Variants in MPPE1 observed in about 807,000 individuals in gnomAD.
MPPE1 encodes the protein metallo phosphoesterase.
A neutral mutation model predicts 43.8 loss-of-function variants in MPPE1; 28 were observed. That is an observed-to-expected ratio of 0.64 (90% CI 0.47 to 0.88). MPPE1 has a LOEUF of 0.88. Ranked by LOEUF, MPPE1 falls within the 40% of genes least tolerant of loss-of-function variation. The pLI is 0.00. For missense variants in MPPE1, 428 were observed against 492.2 expected (o/e 0.87, Z 1.23); for synonymous variants, 159 against 188.5 (o/e 0.84, Z 1.28).
intron 4 of MPPE1, among the ~76,000 whole-genome samples, chr18:11,890,161 C>T (rs1355374608): frequency 6.6e-6 from 1 of 151,812 alleles, no homozygotes; most frequent in Non-Finnish European, 1.5e-5. Context: ...CCAGGATGGT[C>T]GCGATCTCCT....
rs1387886085 is a variant in MPPE1 at position 11,887,041 on chromosome 18, ACG to A, written c.570-18_570-17del. On this transcript the variant is annotated splice_polypyrimidine_tract_variant and intron_variant, in intron 6 of 10. Coordinates refer to ENST00000588072, the MANE Select transcript of MPPE1 (RefSeq NM_023075.6). The stretch of plus-strand genomic sequence containing the variant: ...CATCACAAAGCTGAAGCGGAGGGAA[ACG>A]CAGGTGAGGCCGCTGGGGGTATCAG... 1 of 1,597,910 alleles carries A rather than the reference ACG, an allele frequency of 6.3e-7. No individual in the cohort carries two copies. Among genetic ancestry groups the A allele is most frequent in the Middle Eastern group, 1.7e-4 (1 of 5,992 alleles).
Position 11,883,687 on chromosome 18 carries a change from T to C in MPPE1, c.*758A>G, listed in dbSNP as rs2036787711. 6.6e-6 allele frequency: 1 copy of C among 150,674 alleles called. No homozygotes were observed. The highest frequency in any genetic ancestry group is 1.9e-4 in the East Asian group (1 of 5,172). The allele number at this position is 150,674 out of a possible 1,614,324, so 9.3% of individuals were successfully genotyped here. A position where few individuals can be genotyped will look rare whatever the true frequency, so the allele number is the denominator to read the frequency against. On this transcript the variant is annotated 3_prime_UTR_variant, in exon 11 of 11. Coordinates refer to ENST00000588072, the MANE Select transcript of MPPE1 (RefSeq NM_023075.6). The stretch of plus-strand genomic sequence containing the variant: ...CAATATGTTCTGCACATCACATCTG[T>C]ACTTTTTTTTTTTTAAATATATTTT...
chr18:11,902,181 C>G (rs2039278905), intron 2 of MPPE1: 1 of 152,334 alleles, frequency 6.6e-6, no homozygotes, highest in Non-Finnish European at 1.5e-5. Flanking sequence ...CTGTCCCAGA[C>G]AACTCAGGAT....
intron 10 of MPPE1, chr18:11,884,915 C>T (rs2036953355): frequency 7.7e-7 from 1 of 1,291,158 alleles, no homozygotes. Context: ...GGGTTCCCAT[C>T]AAATATAGTG....
At chr18:11,888,612 A>T in intron 6 of MPPE1, 57 bp downstream of exon 6, 3 of 1,110,036 alleles carry the variant, frequency 2.7e-6, no homozygotes, top group Non-Finnish European at 4.0e-6. Context: ...AGGCACCTTT[A>T]AAAAATGAAG....
chr18:11,884,912 C>A, intron 10 of MPPE1: 1 of 1,293,410 alleles, frequency 7.7e-7, no homozygotes. Flanking sequence ...ACTGGGTTCC[C>A]ATCAAATATA....
intron 3 of MPPE1, among the ~76,000 whole-genome samples, chr18:11,894,229 G>C (rs116266132): frequency 0.053 from 8,074 of 151,898 alleles, 407 homozygotes; most frequent in African/African-American, 0.14. Context: ...GAGTTCAAGA[G>C]CAGCCTGGCC....
At chr18:11,903,964 T>C (rs1368690860) in intron 2 of MPPE1, among the ~76,000 whole-genome samples, 6 of 152,270 alleles carry the variant, frequency 3.9e-5, no homozygotes, top group African/African-American at 1.2e-4. Context: ...TCTCTTTTTC[T>C]GCCTTATGCC....
intron 3 of MPPE1, among the ~76,000 whole-genome samples, chr18:11,896,143 C>CTG (rs2038594018): frequency 7.0e-6 from 1 of 141,944 alleles, no homozygotes; most frequent in East Asian, 2.1e-4. Context: ...GCTCTGTTGC[C>CTG]CAGGCTGGAG....
At chr18:11,889,861 C>T (rs947595078) in intron 4 of MPPE1, among the ~76,000 whole-genome samples, 17 of 151,408 alleles carry the variant, frequency 1.1e-4, no homozygotes, top group African/African-American at 4.1e-4. Flanking sequence ...TATGAGCCAA[C>T]GCACCCAGCC....
rs749489556 is a variant in MPPE1, at chr18:11,884,633, A to T, written c.1009-6T>A. 6.2e-7 allele frequency: 1 copy of T among 1,612,836 alleles called. No homozygotes were observed. The highest frequency in any genetic ancestry group is 1.1e-5 in the South Asian group (1 of 91,066). On this transcript the variant is annotated splice_region_variant and splice_polypyrimidine_tract_variant and intron_variant, in intron 10 of 10. Transcript: ENST00000588072. ...TCTGTGGGCGTGATGCTACCCTGGA[A>T]AGGAGAAGGGAAAGTTATGCTGAGA...
rs1306099862 is a variant in MPPE1 at position 11,886,764 on chromosome 18, G to A, written c.693C>T (p.Ser231=). 1 of 1,613,032 alleles carries A rather than the reference G, an allele frequency of 6.2e-7. No homozygotes were observed. Among genetic ancestry groups the A allele is most frequent in the Non-Finnish European group, 8.5e-7 (1 of 1,179,812 alleles). ...LNCSREARGS[S]RCGPGPLLPT... ...GCAGCAGAGGCCCAGGTCCACACCG[G>A]CTGGAGCCACGTGCCTGCTGGGTAC... The change falls in exon 8 of 11, where the codon AGC becomes AGT. Residue 231 remains serine, a synonymous_variant. Transcript: ENST00000588072. The surrounding 1 kb of genome is among the most constrained non-coding windows in gnomAD (Gnocchi z 4.1).
chr18:11,898,268 C>T (rs1202271310), intron 2 of MPPE1, among the ~76,000 whole-genome samples: 1 of 152,026 alleles, frequency 6.6e-6, no homozygotes, highest in African/African-American at 2.4e-5. Context: ...GACGGTTTTT[C>T]GCCATGTTGG....
In MPPE1 at chr18:11,893,553, A is replaced by G; in HGVS notation, c.305T>C (p.Phe102Ser). Residue 102 changes from phenylalanine (F) to serine (S), a missense_variant, in exon 4 of 11, where the codon TTC becomes TCC. By Grantham distance (155) the Phe-to-Ser change is radical. Coordinates refer to ENST00000588072, the MANE Select transcript of MPPE1 (RefSeq NM_023075.6). ...CTGCAGCAACCACAGAGCTGTCTGG[A>G]ACGCTCTCTCCATCTGCCATTCCCT... is the stretch of plus-strand genomic sequence containing the variant. ...LRREWQMERA[F>S]QTALWLLQPE... The G allele has an allele frequency of 1.2e-6, 2 of 1,614,184 alleles. No homozygotes were observed. Among genetic ancestry groups the G allele is most frequent in the Non-Finnish European group, 1.7e-6 (2 of 1,180,002 alleles).
intron 6 of MPPE1, among the ~76,000 whole-genome samples, chr18:11,888,316 T>C (rs2037568472): frequency 6.6e-6 from 1 of 152,174 alleles, no homozygotes; most frequent in Non-Finnish European, 1.5e-5. Flanking sequence ...TAACGTGAAA[T>C]TAGTATATTT....
chr18:11,890,880 A>C (rs545741287), intron 4 of MPPE1, among the ~76,000 whole-genome samples: 1 of 152,336 alleles, frequency 6.6e-6, no homozygotes, highest in South Asian at 2.1e-4. Flanking sequence ...AACCAGAACT[A>C]ATGAGATGTG....
At chr18:11,887,469 T>C (rs978499343) in intron 6 of MPPE1, among the ~76,000 whole-genome samples, 2 of 152,120 alleles carry the variant, frequency 1.3e-5, no homozygotes, top group African/African-American at 4.8e-5. Context: ...GTGTCAGATA[T>C]TGTGACTAAC....
At chr18:11,900,693 G>C (rs188724621) in intron 2 of MPPE1, among the ~76,000 whole-genome samples, 3 of 151,916 alleles carry the variant, frequency 2.0e-5, no homozygotes, top group South Asian at 2.1e-4. Context: ...AGATCACGAG[G>C]TCAGGAGATC....
intron 4 of MPPE1, among the ~76,000 whole-genome samples, chr18:11,892,360 AAAAAAAAAAAAG>A (rs1474429157): frequency 8.0e-5 from 10 of 125,716 alleles, no homozygotes; most frequent in Non-Finnish European, 1.4e-4. Context: ...AAAAAGAAAA[AAAAAAAAAAAAG>A]AAAAAGAAAA....
Sources: allele counts gnomAD v4.1 joint callset (sites outside exome capture counted in the v4.1 genomes callset), GRCh38; gene constraint gnomAD v4.1.1; non-coding constraint Gnocchi (gnomAD v3.1); transcripts MANE v1.5; gene names NCBI Gene and HGNC (gene_info 2026-07-23, HGNC 2026-07-21).